Variants in PIK3C2A observed in about 807,000 individuals in gnomAD.
PIK3C2A encodes the protein phosphatidylinositol-4-phosphate 3-kinase catalytic subunit type 2 alpha.
PIK3C2A carries 97 observed loss-of-function variants against 204.5 expected under a neutral mutation model. That is an observed-to-expected ratio of 0.47 (90% CI 0.40 to 0.56). The LOEUF (loss-of-function observed/expected upper bound fraction) is 0.56. PIK3C2A is among the 20% of genes least tolerant of loss of function. The pLI is 0.00. For synonymous variants in PIK3C2A, 653 were observed against 664.4 expected (o/e 0.98, Z 0.26); for missense variants, 1,735 against 1,969.2 (o/e 0.88, Z 2.25).
Position 17,185,671 on chromosome 11 carries a change from G to A in PIK3C2A, c.-65-15865C>T, listed in dbSNP as rs144412142. 3.8e-3 allele frequency among the ~76,000 whole-genome samples: 576 copies of A among 152,110 alleles called. 2 individuals are homozygous for A. Among genetic ancestry groups the A allele is most frequent in the African/African-American group, 0.013 (527 of 41,498 alleles). On this transcript the variant is annotated intron_variant, in intron 1 of 32. Coordinates refer to ENST00000691414, the MANE Select transcript of PIK3C2A (RefSeq NM_002645.4). ...ATTCTAATTCAGTTATAGCTTATCA[G>A]GAAGGCAACAACATTTAGTGGTCAC...
chr11:17,183,533 G>A (rs933047432), intron 1 of PIK3C2A, among the ~76,000 whole-genome samples: 6 of 151,918 alleles, frequency 3.9e-5, no homozygotes, highest in African/African-American at 1.5e-4. Flanking sequence ...AAAATTAGCC[G>A]GGCGTGGTGT....
chr11:17,190,416 C>T (rs1851899658), intron 1 of PIK3C2A, among the ~76,000 whole-genome samples: 1 of 151,420 alleles, frequency 6.6e-6, no homozygotes, highest in South Asian at 2.1e-4. Context: ...TATTAAAATA[C>T]AAAAATTAGC....
chr11:17,091,306 G>A (rs752148105), intron 32 of PIK3C2A, 28 bp downstream of exon 32: 1 of 1,581,052 alleles, frequency 6.3e-7, no homozygotes, highest in Admixed American at 1.9e-5. Context: ...ATAAACCAAG[G>A]AAACTTCTAG....
chr11:17,150,208 T>C (rs1590965414), intron 4 of PIK3C2A, among the ~76,000 whole-genome samples: 1 of 152,276 alleles, frequency 6.6e-6, no homozygotes, highest in African/African-American at 2.4e-5. Flanking sequence ...CTTCCTGTCA[T>C]AAAATGAAGG....
chr11:17,092,720 A>G (rs931174163), intron 28 of PIK3C2A, among the ~76,000 whole-genome samples: 7 of 152,206 alleles, frequency 4.6e-5, no homozygotes, highest in African/African-American at 1.7e-4. Context: ...TGGAGATGAC[A>G]TCGTTCAGTC....
chr11:17,165,911 T>G (rs946144140), intron 2 of PIK3C2A, among the ~76,000 whole-genome samples: 6 of 151,794 alleles, frequency 4.0e-5, no homozygotes, highest in African/African-American at 1.5e-4. Context: ...TCATGAAAAT[T>G]TTCAAATATA....
intron 1 of PIK3C2A, among the ~76,000 whole-genome samples, chr11:17,190,528 G>A (rs1476865100): frequency 9.4e-5 from 14 of 149,638 alleles, no homozygotes; most frequent in Non-Finnish European, 3.0e-5. Flanking sequence ...CCGAGATTGC[G>A]CCACTGCACT....
Position 17,102,802 on chromosome 11 carries a change from A to T in PIK3C2A, c.3711T>A (p.Ala1237=). 1 of 1,610,020 alleles carries T rather than the reference A, an allele frequency of 6.2e-7. No homozygotes were observed. Among genetic ancestry groups the T allele is most frequent in the South Asian group, 1.1e-5 (1 of 90,538 alleles). Residue 1237 remains alanine (A), a synonymous_variant, in exon 24 of 33, where the codon GCT becomes GCA. Coordinates refer to ENST00000691414, the MANE Select transcript of PIK3C2A (RefSeq NM_002645.4). ...KASENFIYSC[A]GCCVATYVLG... ...AAACATAGGTGGCTACACAGCATCCAGCACAGGAATAGATAAAGTTCTCTG... is the reference window on the plus strand; with the variant it reads ...AAACATAGGTGGCTACACAGCATCCTGCACAGGAATAGATAAAGTTCTCTG...
In PIK3C2A at chr11:17,115,242, A is replaced by G. The variant is rs568577281; in HGVS notation, c.3217-777T>C. On this transcript the variant is annotated intron_variant, in intron 19 of 32. Transcript: ENST00000691414. ...CTTACTATAAAACTATGGTAATTAA[A>G]AAAAGTATAGGCTGGGTGGATGGCT... is the stretch of plus-strand genomic sequence containing the variant. 8.5e-4 allele frequency among the ~76,000 whole-genome samples: 129 copies of G among 152,140 alleles called. 1 individual carries two copies. The highest frequency in any genetic ancestry group is 3.0e-3 in the African/African-American group (124 of 41,518).
intron 1 of PIK3C2A, among the ~76,000 whole-genome samples, chr11:17,180,173 A>T (rs1350651599): frequency 6.6e-6 from 1 of 152,156 alleles, no homozygotes; most frequent in Non-Finnish European, 1.5e-5. Flanking sequence ...AAATAACTGA[A>T]CCAAGCCTGG....
At chr11:17,191,076 T>C (rs1851924653) in intron 1 of PIK3C2A, among the ~76,000 whole-genome samples, 1 of 152,254 alleles carries the variant, frequency 6.6e-6, no homozygotes, top group African/African-American at 2.4e-5. Flanking sequence ...AGAAATTATG[T>C]CGGTTCTTAT....
rs757506028 is a variant in PIK3C2A at position 17,189,627 on chromosome 11, T to C, written c.-66+18221A>G. The stretch of plus-strand genomic sequence containing the variant: ...TTCACAGGCGTGTGACCATCACTAC[T>C]ACCAAGTTTCAGAATACTTTCATCG... On this transcript the variant is annotated intron_variant, in intron 1 of 32. Transcript: ENST00000691414. 6.2e-5 allele frequency among the ~76,000 whole-genome samples: 8 copies of C among 128,202 alleles called. 1 individual carries two copies. The highest frequency in any genetic ancestry group is 1.1e-4 in the Non-Finnish European group (7 of 65,782). The allele number at this position is 128,202 out of a possible 152,430, so 84.1% of individuals were successfully genotyped here.
intron 24 of PIK3C2A, among the ~76,000 whole-genome samples, chr11:17,102,353 CG>C (rs1485919736): frequency 1.3e-5 from 2 of 152,134 alleles, no homozygotes; most frequent in African/African-American, 4.8e-5. Flanking sequence ...AGGAGAATGG[CG>C]TGAACCCGGG....
rs1590890212 is a variant in PIK3C2A, at chr11:17,091,479, C to G, written c.4753-20G>C. 2 of 1,610,866 alleles carry G rather than the reference C, an allele frequency of 1.2e-6. No individual in the cohort carries two copies. Among genetic ancestry groups the G allele is most frequent in the African/African-American group, 1.3e-5 (1 of 74,678 alleles). ...AGTAACCTAAAAAGAAAAGCAGTCC[C>G]TTAATAGTAATGCTTCCTACCAAGG... On this transcript the variant is annotated intron_variant, in intron 31 of 32. Coordinates refer to ENST00000691414, the MANE Select transcript of PIK3C2A (RefSeq NM_002645.4).
chr11:17,190,640 T>C (rs760610992), intron 1 of PIK3C2A, among the ~76,000 whole-genome samples: 5 of 151,180 alleles, frequency 3.3e-5, no homozygotes, highest in Non-Finnish European at 7.4e-5. Context: ...ACAATATGTA[T>C]GAAGTGATGG....
intron 11 of PIK3C2A, among the ~76,000 whole-genome samples, chr11:17,133,512 A>G (rs1849771237): frequency 6.6e-6 from 1 of 152,176 alleles, no homozygotes; most frequent in South Asian, 2.1e-4. Context: ...CTAAAGCCCA[A>G]TTTAAGCAAA....
At chr11:17,141,498 T>TA (rs886502997) in intron 8 of PIK3C2A, 4 of 152,090 alleles carry the variant, frequency 2.6e-5, no homozygotes, top group Non-Finnish European at 5.9e-5. Context: ...TAGACAGTTA[T>TA]AAAAAAATAC....
chr11:17,103,661 C>T (rs1333180970), intron 23 of PIK3C2A, among the ~76,000 whole-genome samples: 2 of 152,018 alleles, frequency 1.3e-5, no homozygotes, highest in East Asian at 3.9e-4. Flanking sequence ...AATCTCACAA[C>T]AATCAATGAC....
At chr11:17,184,972 A>T (rs664382) in intron 1 of PIK3C2A, among the ~76,000 whole-genome samples, 50,901 of 151,630 alleles carry the variant, frequency 0.34, 9,321 homozygotes, top group East Asian at 0.8. Flanking sequence ...AAAAGAAAAA[A>T]ATATATATTT....
Sources: gnomAD v4.1 joint callset for allele counts (sites outside exome capture counted in the v4.1 genomes callset) on GRCh38, gnomAD v4.1.1 for gene constraint, MANE v1.5 for transcripts, NCBI Gene and HGNC (gene_info 2026-07-23, HGNC 2026-07-21) for gene names.